The following CACNA2D3 variants were observed in gnomAD, a reference collection of about 807,000 sequenced individuals.
The protein encoded by CACNA2D3 is voltage-dependent calcium channel subunit alpha-2/delta-3.
In CACNA2D3, 60 loss-of-function variants were observed where a neutral mutation model predicts 160.6. The observed-to-expected ratio is 0.37, with a 90% CI of 0.30 to 0.46. The LOEUF (loss-of-function observed/expected upper bound fraction) is 0.46, where lower values mean the gene tolerates loss of function less well. CACNA2D3 is among the 20% of genes least tolerant of loss of function. The pLI is 1.00. For synonymous variants in CACNA2D3, 558 were observed against 492.9 expected, an observed-to-expected ratio of 1.13 and a Z score of -1.75; for missense variants, 1,205 against 1,365.0, an observed-to-expected ratio of 0.88 and a Z score of 1.85.
chr3:54,762,430 T>C (rs1190851348), intron 12 of CACNA2D3, among the ~76,000 whole-genome samples: 1 of 152,230 alleles, frequency 6.6e-6, no homozygotes, highest in Non-Finnish European at 1.5e-5. Flanking sequence ...CCACATTTGA[T>C]TGGCTGTGCC....
At chr3:54,199,771 G>T (rs1352113766) in intron 2 of CACNA2D3, among the ~76,000 whole-genome samples, 1 of 152,162 alleles carries the variant, frequency 6.6e-6, no homozygotes, top group Non-Finnish European at 1.5e-5. Context: ...GAATACACTA[G>T]ATTTTATGGC....
intron 2 of CACNA2D3, among the ~76,000 whole-genome samples, chr3:54,290,803 G>A (rs866790773): frequency 1.3e-4 from 20 of 149,538 alleles, no homozygotes; most frequent in South Asian, 4.3e-4. Flanking sequence ...GCAAACTATC[G>A]CAAGGATAAA....
chr3:54,644,569 TAG>T (rs1456966015), intron 11 of CACNA2D3, among the ~76,000 whole-genome samples: 2 of 152,210 alleles, frequency 1.3e-5, no homozygotes, highest in Non-Finnish European at 2.9e-5. Context: ...AGCTATTCAG[TAG>T]AGAGTTGTGC....
At chr3:54,248,397 C>G (rs1466532125) in intron 2 of CACNA2D3, among the ~76,000 whole-genome samples, 2 of 150,734 alleles carry the variant, frequency 1.3e-5, no homozygotes, top group Non-Finnish European at 2.9e-5. Flanking sequence ...AGGAGAATCC[C>G]TTGAACCTGG....
intron 2 of CACNA2D3, among the ~76,000 whole-genome samples, chr3:54,143,555 A>G (rs1485244510): frequency 1.3e-5 from 2 of 152,190 alleles, no homozygotes; most frequent in Non-Finnish European, 1.5e-5. Context: ...GCTGGAGTGC[A>G]GTGGCGTAAT....
chr3:54,800,569 G>C (rs533841410), intron 13 of CACNA2D3, among the ~76,000 whole-genome samples: 1 of 152,152 alleles, frequency 6.6e-6, no homozygotes, highest in Admixed American at 6.5e-5. Context: ...ATTATAATGA[G>C]CAAAATGTGG....
At chr3:54,406,191 T>G (rs1699572917) in intron 4 of CACNA2D3, among the ~76,000 whole-genome samples, 1 of 152,122 alleles carries the variant, frequency 6.6e-6, no homozygotes, top group Non-Finnish European at 1.5e-5. Flanking sequence ...ATTGCTCTTC[T>G]GGGTATATAC....
intron 2 of CACNA2D3, among the ~76,000 whole-genome samples, chr3:54,309,898 G>C (rs145299312): frequency 4.5e-4 from 69 of 152,060 alleles, no homozygotes; most frequent in Middle Eastern, 6.8e-3. Flanking sequence ...AGTAGGGGCT[G>C]AGCCACTCCC....
chr3:54,732,080 T>A (rs531980565), intron 11 of CACNA2D3, among the ~76,000 whole-genome samples: 1 of 152,228 alleles, frequency 6.6e-6, no homozygotes, highest in East Asian at 1.9e-4. Context: ...TTGCCGTTTT[T>A]CTCTTACAGG....
intron 11 of CACNA2D3, among the ~76,000 whole-genome samples, chr3:54,652,182 C>T (rs1240728859): frequency 6.6e-6 from 1 of 151,906 alleles, no homozygotes; most frequent in Non-Finnish European, 1.5e-5. Flanking sequence ...TATTCTTCAT[C>T]CCATAGGACT....
chr3:54,988,827 T>C (rs1185841923), intron 31 of CACNA2D3, among the ~76,000 whole-genome samples: 2 of 152,026 alleles, frequency 1.3e-5, no homozygotes, highest in Non-Finnish European at 2.9e-5. Context: ...AAAAAAGAAA[T>C]GATATAAGAA....
chr3:54,334,560 T>C (rs73841977), intron 3 of CACNA2D3, among the ~76,000 whole-genome samples: 4,025 of 152,224 alleles, frequency 0.026, 181 homozygotes, highest in African/African-American at 0.091. Flanking sequence ...TCAGTTTTCT[T>C]GTCTGTGAAA....
At chr3:54,630,436 C>A (rs1368346802) in intron 10 of CACNA2D3, among the ~76,000 whole-genome samples, 1 of 152,170 alleles carries the variant, frequency 6.6e-6, no homozygotes, top group Admixed American at 6.5e-5. Context: ...TTAATGCCGG[C>A]CTGCCAAGGT....
At chr3:54,971,983 A>G (rs980667852) in intron 29 of CACNA2D3, among the ~76,000 whole-genome samples, 1 of 151,328 alleles carries the variant, frequency 6.6e-6, no homozygotes. Flanking sequence ...ATAAGCATTC[A>G]ATAAATGTTG....
chr3:54,625,164 A>C (rs1699070143), intron 9 of CACNA2D3, among the ~76,000 whole-genome samples: 1 of 152,118 alleles, frequency 6.6e-6, no homozygotes, highest in Non-Finnish European at 1.5e-5. Context: ...AAGCCATTTG[A>C]TCATCCCCTG....
At chr3:54,297,924 C>T (rs1471685418) in intron 2 of CACNA2D3, among the ~76,000 whole-genome samples, 1 of 152,170 alleles carries the variant, frequency 6.6e-6, no homozygotes, top group Non-Finnish European at 1.5e-5. Flanking sequence ...TAGTATCACA[C>T]AGAAGTTGTT....
intron 4 of CACNA2D3, among the ~76,000 whole-genome samples, chr3:54,499,070 G>A (rs573777185): frequency 1.3e-5 from 2 of 152,082 alleles, no homozygotes; most frequent in East Asian, 3.9e-4. Flanking sequence ...GTGCTCTTCA[G>A]TTGTTAGGTA....
chr3:54,926,722 A>G (rs190162873), intron 27 of CACNA2D3, among the ~76,000 whole-genome samples: 414 of 152,238 alleles, frequency 2.7e-3, no homozygotes, highest in African/African-American at 9.5e-3. Context: ...AGCATGCCAC[A>G]TTTAGTATTA....
At chr3:55,023,128 A>G (rs1401339872) in intron 35 of CACNA2D3, among the ~76,000 whole-genome samples, 1 of 152,150 alleles carries the variant, frequency 6.6e-6, no homozygotes, top group African/African-American at 2.4e-5. Flanking sequence ...GTTTATCTCC[A>G]TAACCTCAAA....
Sources: gnomAD v4.1 joint callset for allele counts (sites outside exome capture counted in the v4.1 genomes callset) on GRCh38, gnomAD v4.1.1 for gene constraint, MANE v1.5 for transcripts, NCBI Gene and HGNC (gene_info 2026-07-23, HGNC 2026-07-21) for gene names.